CDK14: variants seen among roughly 807,000 people sequenced by gnomAD.
The protein encoded by CDK14 is cyclin dependent kinase 14.
Under a neutral mutation model 60.7 loss-of-function variants are expected in CDK14, and 34 were observed. The observed-to-expected ratio is 0.56, with a 90% CI of 0.43 to 0.75. CDK14 has a LOEUF of 0.75. Ranked by LOEUF, CDK14 falls within the 30% of genes least tolerant of loss-of-function variation. The probability of loss-of-function intolerance (pLI) is 0.00; values close to 1 mark genes in which losing one functional copy is unlikely to be tolerated. For synonymous variants in CDK14, 197 were observed against 203.7 expected (o/e 0.97, Z 0.28); for missense variants, 482 against 564.1 (o/e 0.85, Z 1.47).
intron 2 of CDK14, among the ~76,000 whole-genome samples, chr7:90,694,702 T>C (rs1275707883): frequency 6.6e-6 from 1 of 152,220 alleles, no homozygotes; most frequent in Non-Finnish European, 1.5e-5. Context: ...TAGGAATTTG[T>C]GTGCATTAAT....
At chr7:90,937,011 C>T (rs1793776947) in intron 8 of CDK14, among the ~76,000 whole-genome samples, 1 of 152,004 alleles carries the variant, frequency 6.6e-6, no homozygotes, top group South Asian at 2.1e-4. Flanking sequence ...CCCAGGATTT[C>T]AAGGCTTCAG....
At chr7:90,728,614 A>G (rs2116718870) in intron 3 of CDK14, among the ~76,000 whole-genome samples, 1 of 152,076 alleles carries the variant, frequency 6.6e-6, no homozygotes, top group Middle Eastern at 3.4e-3. Context: ...TTTTCCTTTT[A>G]CATATTCTCT....
chr7:90,616,822 C>T (rs1799659408), intron 2 of CDK14, among the ~76,000 whole-genome samples: 1 of 152,114 alleles, frequency 6.6e-6, no homozygotes. Context: ...GGATGATGCA[C>T]TTTGATGATC....
At chr7:90,733,972 C>T (rs1802980930) in intron 3 of CDK14, among the ~76,000 whole-genome samples, 2 of 152,146 alleles carry the variant, frequency 1.3e-5, no homozygotes, top group African/African-American at 4.8e-5. Context: ...ATGTTTAGTG[C>T]TTCCTTCAGG....
chr7:91,190,131 C>G (rs564631884), intron 14 of CDK14, among the ~76,000 whole-genome samples: 1 of 152,290 alleles, frequency 6.6e-6, no homozygotes, highest in South Asian at 2.1e-4. Context: ...ATATAACAGA[C>G]CTTTATTTCT....
chr7:90,737,683 C>G (rs777783344), intron 3 of CDK14, among the ~76,000 whole-genome samples: 1 of 152,182 alleles, frequency 6.6e-6, no homozygotes, highest in Non-Finnish European at 1.5e-5. Flanking sequence ...GGTGATAAAG[C>G]TTGTTCTGGA....
chr7:90,800,636 GTAATTGAGT>G (rs1788602575), intron 5 of CDK14, among the ~76,000 whole-genome samples: 1 of 152,054 alleles, frequency 6.6e-6, no homozygotes, highest in Admixed American at 6.6e-5. Context: ...GTTTGTATAT[GTAATTGAGT>G]TATAATTCAA....
intron 7 of CDK14, among the ~76,000 whole-genome samples, chr7:90,905,926 A>G (rs1250342035): frequency 2.0e-5 from 3 of 152,028 alleles, no homozygotes; most frequent in Non-Finnish European, 4.4e-5. Context: ...CCTTATTACT[A>G]TGTTGGTTTC....
intron 10 of CDK14, among the ~76,000 whole-genome samples, chr7:91,043,805 A>G (rs1797158578): frequency 1.3e-5 from 2 of 152,204 alleles, no homozygotes; most frequent in South Asian, 2.1e-4. Flanking sequence ...TGCTGGATTC[A>G]TGTTTCAGCC....
chr7:90,954,082 A>C (rs968372197), intron 8 of CDK14, among the ~76,000 whole-genome samples: 9 of 152,202 alleles, frequency 5.9e-5, no homozygotes, highest in African/African-American at 2.2e-4. Context: ...TGTACATTTT[A>C]ATATGGAATA....
At chr7:91,090,178 C>T (rs1798759266) in intron 12 of CDK14, among the ~76,000 whole-genome samples, 2 of 152,108 alleles carry the variant, frequency 1.3e-5, no homozygotes, top group African/African-American at 4.8e-5. Context: ...TGATCAGGAC[C>T]CCTTCTCTGT....
At chr7:90,675,669 G>C (rs1038820527) in intron 2 of CDK14, among the ~76,000 whole-genome samples, 15 of 152,082 alleles carry the variant, frequency 9.9e-5, no homozygotes, top group African/African-American at 3.6e-4. Context: ...CTGTATATAT[G>C]CAAACAGATA....
At chr7:90,637,199 C>T (rs1380922470) in intron 2 of CDK14, among the ~76,000 whole-genome samples, 2 of 151,096 alleles carry the variant, frequency 1.3e-5, no homozygotes, top group Admixed American at 6.6e-5. Context: ...TTTGCTCTTG[C>T]TTTTCTAGTT....
chr7:90,745,188 C>G (rs942253700), intron 3 of CDK14, among the ~76,000 whole-genome samples: 1 of 152,182 alleles, frequency 6.6e-6, no homozygotes, highest in East Asian at 1.9e-4. Context: ...TTTCTCCTTT[C>G]CTACTGTTCC....
chr7:90,762,649 G>A (rs535254533), intron 4 of CDK14, among the ~76,000 whole-genome samples: 2 of 152,216 alleles, frequency 1.3e-5, no homozygotes, highest in African/African-American at 4.8e-5. Context: ...CAGATTGAAA[G>A]CAAAAAGATA....
intron 12 of CDK14, among the ~76,000 whole-genome samples, chr7:91,086,248 A>C (rs1242264659): frequency 6.6e-6 from 1 of 152,190 alleles, no homozygotes; most frequent in African/African-American, 2.4e-5. Flanking sequence ...GGAGTACCCA[A>C]TAAGCATAAT....
intron 12 of CDK14, among the ~76,000 whole-genome samples, chr7:91,080,464 A>T (rs897633857): frequency 6.6e-6 from 1 of 152,052 alleles, no homozygotes; most frequent in Non-Finnish European, 1.5e-5. Flanking sequence ...ACACATAGGT[A>T]TAATCATTTT....
At chr7:91,083,519 A>T (rs1205513335) in intron 12 of CDK14, among the ~76,000 whole-genome samples, 3 of 152,200 alleles carry the variant, frequency 2.0e-5, no homozygotes, top group Non-Finnish European at 2.9e-5. Context: ...AGGCCCCCAA[A>T]GGCTCACCTG....
At chr7:90,640,483 A>G (rs572925869) in intron 2 of CDK14, among the ~76,000 whole-genome samples, 1 of 152,140 alleles carries the variant, frequency 6.6e-6, no homozygotes, top group Admixed American at 6.5e-5. Context: ...TTAAGCATAA[A>G]TGTATTTATT....
Sources: allele counts gnomAD v4.1 joint callset (sites outside exome capture counted in the v4.1 genomes callset), GRCh38; gene constraint gnomAD v4.1.1; transcripts MANE v1.5; gene names NCBI Gene and HGNC (gene_info 2026-07-23, HGNC 2026-07-21).